The following CDH10 variants were observed in gnomAD, a reference collection of about 807,000 sequenced individuals.
The protein encoded by CDH10 is cadherin-10.
Under a neutral mutation model 73.1 loss-of-function variants are expected in CDH10, and 30 were observed. That is an observed-to-expected ratio of 0.41 (90% CI 0.31 to 0.56). The LOEUF is 0.56. Among genes scored for constraint, CDH10 ranks in the 20% least tolerant of loss-of-function variants. CDH10 has a pLI of 0.27. For missense variants in CDH10, 815 were observed against 973.7 expected (o/e 0.84, Z 2.17); for synonymous variants, 345 against 348.2 (o/e 0.99, Z 0.10).
chr5:24,637,297 A>C (rs1747896579), intron 1 of CDH10, among the ~76,000 whole-genome samples: 4 of 151,980 alleles, frequency 2.6e-5, no homozygotes, highest in Admixed American at 2.6e-4. Flanking sequence ...AGAACGGATG[A>C]ATAAATAAAA....
chr5:24,488,258 G>T, intron 11 of CDH10, 105 bp from the exon 12 acceptor site: 1 of 956,842 alleles, frequency 1.0e-6, no homozygotes, highest in Non-Finnish European at 1.5e-6. Flanking sequence ...TTCTATAACA[G>T]CTTAGACTTT....
intron 1 of CDH10, among the ~76,000 whole-genome samples, chr5:24,601,762 G>A (rs546311097): frequency 3.3e-5 from 5 of 151,972 alleles, no homozygotes; most frequent in African/African-American, 1.2e-4. Flanking sequence ...TGTGCCAGTG[G>A]AAGGAAAGCT....
chr5:24,622,321 T>C (rs1008765087), intron 1 of CDH10, among the ~76,000 whole-genome samples: 1 of 152,084 alleles, frequency 6.6e-6, no homozygotes, highest in Non-Finnish European at 1.5e-5. Flanking sequence ...AAATCAAGAA[T>C]ATATCTGATC....
intron 2 of CDH10, among the ~76,000 whole-genome samples, chr5:24,557,355 G>A (rs1031488466): frequency 6.6e-6 from 1 of 150,778 alleles, no homozygotes; most frequent in Non-Finnish European, 1.5e-5. Flanking sequence ...CCAATTTAAT[G>A]TCCCTAATTT....
At chr5:24,535,680 A>G (rs1413663842) in intron 4 of CDH10, 23 bp downstream of exon 4, 1 of 1,596,306 alleles carries the variant, frequency 6.3e-7, no homozygotes, top group Non-Finnish European at 8.5e-7. Flanking sequence ...CAAATGAACA[A>G]ACAGCAATTC....
chr5:24,507,003 T>C (rs925250295), intron 7 of CDH10, among the ~76,000 whole-genome samples: 1 of 152,154 alleles, frequency 6.6e-6, no homozygotes, highest in Admixed American at 6.5e-5. Flanking sequence ...TCAAAGTATA[T>C]AGTTTGCAAT....
chr5:24,520,204 A>G (rs1743262021), intron 5 of CDH10, among the ~76,000 whole-genome samples: 1 of 152,226 alleles, frequency 6.6e-6, no homozygotes, highest in African/African-American at 2.4e-5. Context: ...TGTAAAATGA[A>G]AAAAAGGAAG....
chr5:24,597,815 T>C (rs1746422896), intron 1 of CDH10, among the ~76,000 whole-genome samples: 2 of 151,984 alleles, frequency 1.3e-5, no homozygotes, highest in Non-Finnish European at 2.9e-5. Flanking sequence ...TCTCAATTAC[T>C]AATTAAGTCT....
chr5:24,511,295 C>CA, intron 6 of CDH10, 32 bp downstream of exon 6: 2 of 1,405,752 alleles, frequency 1.4e-6, no homozygotes, highest in Non-Finnish European at 2.0e-6. Context: ...TCCTGAAACA[C>CA]ACAGATGCTT....
intron 1 of CDH10, among the ~76,000 whole-genome samples, chr5:24,634,179 T>A (rs935516290): frequency 2.0e-5 from 3 of 151,880 alleles, no homozygotes; most frequent in African/African-American, 4.8e-5. Flanking sequence ...GTAGTCTGCA[T>A]AATTAATTAT....
At chr5:24,592,821 T>C (rs1236018127) in intron 2 of CDH10, among the ~76,000 whole-genome samples, 1 of 151,842 alleles carries the variant, frequency 6.6e-6, no homozygotes, top group African/African-American at 2.4e-5. Context: ...CATATTTTGA[T>C]GACATTTGCT....
intron 1 of CDH10, among the ~76,000 whole-genome samples, chr5:24,607,120 T>G (rs1397960273): frequency 6.6e-6 from 1 of 152,118 alleles, no homozygotes; most frequent in Non-Finnish European, 1.5e-5. Context: ...CAACAGTGCA[T>G]AAAATATGAG....
intron 3 of CDH10, among the ~76,000 whole-genome samples, 169 bp from the exon 4 acceptor site, chr5:24,535,991 A>G (rs370177817): frequency 1.3e-5 from 2 of 152,188 alleles, no homozygotes; most frequent in Middle Eastern, 3.4e-3. Flanking sequence ...TTACAGGTAA[A>G]CTCTGAGTTC....
intron 2 of CDH10, among the ~76,000 whole-genome samples, chr5:24,566,124 C>T (rs1416319267): frequency 6.6e-6 from 1 of 152,162 alleles, no homozygotes; most frequent in African/African-American, 2.4e-5. Flanking sequence ...TTTCAGCTCA[C>T]TGCAATCTCT....
At chr5:24,578,513 A>G (rs1745679526) in intron 2 of CDH10, 2 of 341,914 alleles carry the variant, frequency 5.8e-6, no homozygotes, top group Non-Finnish European at 5.9e-6. Context: ...TCTTTCTGCT[A>G]TACTCTGATC....
intron 2 of CDH10, among the ~76,000 whole-genome samples, chr5:24,555,163 G>C (rs927525783): frequency 6.6e-6 from 1 of 151,852 alleles, no homozygotes; most frequent in East Asian, 1.9e-4. Context: ...CTTATTTCTT[G>C]GTTCCCCAGA....
At chr5:24,587,213 A>T (rs1367983378) in intron 2 of CDH10, among the ~76,000 whole-genome samples, 1 of 152,134 alleles carries the variant, frequency 6.6e-6, no homozygotes, top group East Asian at 1.9e-4. Flanking sequence ...AATTTACTTT[A>T]AGAAATTTAT....
At chr5:24,596,427 ACAG>A (rs1746373989) in intron 1 of CDH10, among the ~76,000 whole-genome samples, 1 of 151,800 alleles carries the variant, frequency 6.6e-6, no homozygotes, top group Admixed American at 6.6e-5. Flanking sequence ...TTTCATGCAA[ACAG>A]CATACAATAA....
chr5:24,559,446 T>C lies in CDH10; in HGVS notation c.232-21772A>G, dbSNP rs562272691. Among the ~76,000 whole-genome samples, 4 of 152,090 alleles carry C rather than the reference T, an allele frequency of 2.6e-5. No homozygotes were observed. In the East Asian group the frequency reaches 5.8e-4, roughly 22 times the overall value. On this transcript the variant is annotated intron_variant, in intron 2 of 11. Transcript: ENST00000264463. ...CATAGCTACAATATTCATAAATTTA[T>C]CTTAGATTAATATCCAATCAACAAC...
Sources: gnomAD v4.1 joint callset for allele counts (sites outside exome capture counted in the v4.1 genomes callset) on GRCh38, gnomAD v4.1.1 for gene constraint, MANE v1.5 for transcripts, NCBI Gene and HGNC (gene_info 2026-07-23, HGNC 2026-07-21) for gene names.